The following FAM83B variants were observed in gnomAD, a reference collection of about 807,000 sequenced individuals.
The protein encoded by FAM83B is protein FAM83B.
In FAM83B, 26 loss-of-function variants were observed where a neutral mutation model predicts 38.8. That is an observed-to-expected ratio of 0.67 (90% CI 0.49 to 0.93). The LOEUF (loss-of-function observed/expected upper bound fraction) is 0.93. Among genes scored for constraint, FAM83B ranks in the 40% least tolerant of loss-of-function variants. The pLI is 0.00. For missense variants in FAM83B, 1,237 were observed against 1,197.3 expected (o/e 1.03, Z -0.49); for synonymous variants, 419 against 423.1 (o/e 0.99, Z 0.12).
At chr6:54,936,459 A>G (rs1047048213) in intron 4 of FAM83B, among the ~76,000 whole-genome samples, 1 of 152,068 alleles carries the variant, frequency 6.6e-6, no homozygotes, top group Non-Finnish European at 1.5e-5. Flanking sequence ...GTACTACAAT[A>G]GTACTACAAA....
chr6:54,889,025 C>A (rs1461718742), intron 2 of FAM83B, among the ~76,000 whole-genome samples: 1 of 152,060 alleles, frequency 6.6e-6, no homozygotes, highest in Non-Finnish European at 1.5e-5. Flanking sequence ...ATCCTCTCTG[C>A]AGTTGAGTCT....
rs1561934184 is a variant in FAM83B at position 54,941,733 on chromosome 6, G to T, written c.2762G>T (p.Ser921Ile). 3 of 1,613,996 alleles carry T rather than the reference G, an allele frequency of 1.9e-6. No homozygotes were observed. The highest frequency in any genetic ancestry group is 1.7e-5 in the Admixed American group (1 of 59,974). Reference sequence around the variant, plus strand: ...ACTTCTTCTCCAAGGCCAACGTCCAGTGAGCTTCTACGATCTCATTCAACT... The same window carrying T: ...ACTTCTTCTCCAAGGCCAACGTCCATTGAGCTTCTACGATCTCATTCAACT... ...RPTSSPRPTS[S>I]ELLRSHSTDR... is the part of the protein sequence containing the mutation. The change falls in exon 5 of 5, where the codon AGT becomes ATT. Residue 921 changes from serine to isoleucine, a missense_variant. Physicochemically the swap from Ser to Ile is moderately radical, Grantham distance 142 (BLOSUM62 -2). Coordinates refer to ENST00000306858, the MANE Select transcript of FAM83B (RefSeq NM_001010872.3).
intron 2 of FAM83B, among the ~76,000 whole-genome samples, chr6:54,895,408 A>G (rs1452284265): frequency 6.6e-6 from 1 of 152,134 alleles, no homozygotes; most frequent in Non-Finnish European, 1.5e-5. Flanking sequence ...TTTTCATAAG[A>G]TATGTAGTGT....
intron 2 of FAM83B, among the ~76,000 whole-genome samples, chr6:54,877,699 T>C (rs1772034292): frequency 6.6e-6 from 1 of 152,220 alleles, no homozygotes; most frequent in African/African-American, 2.4e-5. Flanking sequence ...TTATCTTAAG[T>C]TGACCTTCAT....
At chr6:54,868,204 A>C (rs1221771772) in intron 1 of FAM83B, among the ~76,000 whole-genome samples, 1 of 152,178 alleles carries the variant, frequency 6.6e-6, no homozygotes, top group Non-Finnish European at 1.5e-5. Context: ...AAGATTTGTC[A>C]ACCTTGGCAC....
intron 4 of FAM83B, among the ~76,000 whole-genome samples, chr6:54,931,676 A>C (rs1346903458): frequency 6.6e-6 from 1 of 151,246 alleles, no homozygotes; most frequent in Non-Finnish European, 1.5e-5. Context: ...TCTTACTTTT[A>C]GCTTATGTAT....
At chr6:54,929,702 C>T (rs1449112167) in intron 4 of FAM83B, among the ~76,000 whole-genome samples, 2 of 152,062 alleles carry the variant, frequency 1.3e-5, no homozygotes, top group African/African-American at 4.8e-5. Flanking sequence ...CATGCTGCAA[C>T]CAGCATACTG....
chr6:54,940,221 A>G lies in FAM83B; in HGVS notation c.1250A>G (p.Lys417Arg). The change falls in exon 5 of 5, where the codon AAA becomes AGA. Residue 417 changes from lysine (K) to arginine (R), a missense_variant. Physicochemically the swap from Lys to Arg is conservative, Grantham distance 26 (BLOSUM62 2). Coordinates refer to ENST00000306858, the MANE Select transcript of FAM83B (RefSeq NM_001010872.3). ...NRTNNPPGNWKKPSDSLSVAS... is the reference protein window; with the variant it reads ...NRTNNPPGNWRKPSDSLSVAS... ...ACCAATAATCCACCTGGTAATTGGA[A>G]AAAGCCATCTGATAGTCTCAGTGTG... 1.2e-6 allele frequency: 2 copies of G among 1,614,094 alleles called. No homozygotes were observed. The highest frequency in any genetic ancestry group is 1.7e-6 in the Non-Finnish European group (2 of 1,179,992).
intron 1 of FAM83B, among the ~76,000 whole-genome samples, chr6:54,859,301 C>T (rs1250629665): frequency 6.6e-6 from 1 of 152,146 alleles, no homozygotes; most frequent in East Asian, 1.9e-4. Flanking sequence ...ACCTCATGAT[C>T]TGCACACCTT....
intron 2 of FAM83B, among the ~76,000 whole-genome samples, chr6:54,881,812 G>A (rs976721074): frequency 4.6e-5 from 7 of 152,026 alleles, no homozygotes; most frequent in African/African-American, 1.5e-4. Flanking sequence ...TGTGCACAAC[G>A]TGCAGGTTTG....
In FAM83B at chr6:54,870,235, A is replaced by G; in HGVS notation, c.-12A>G. The G allele has an allele frequency of 6.2e-7, 1 of 1,603,164 alleles. No individual in the cohort carries two copies. On this transcript the variant is annotated 5_prime_UTR_variant, in exon 2 of 5. Transcript: ENST00000306858. The stretch of plus-strand genomic sequence containing the variant: ...GGACATTTGAAAGTGCCATAGCCAA[A>G]CACTTGCAAGCATGGAGACCTCATC...
intron 2 of FAM83B, among the ~76,000 whole-genome samples, chr6:54,883,929 G>A (rs1451272107): frequency 6.6e-6 from 1 of 151,962 alleles, no homozygotes; most frequent in Non-Finnish European, 1.5e-5. Context: ...CAGGACTTTG[G>A]GAGGCCGAGG....
At chr6:54,892,843 G>T (rs1328379420) in intron 2 of FAM83B, among the ~76,000 whole-genome samples, 1 of 151,962 alleles carries the variant, frequency 6.6e-6, no homozygotes. Context: ...AGTGCGGATG[G>T]GGCTTAGTAC....
chr6:54,888,784 G>C (rs568070150), intron 2 of FAM83B, among the ~76,000 whole-genome samples: 5 of 151,736 alleles, frequency 3.3e-5, no homozygotes, highest in Admixed American at 3.3e-4. Flanking sequence ...GTGCCTTAAA[G>C]TTTTCCTGCT....
At chr6:54,891,563 A>C (rs991480141) in intron 2 of FAM83B, among the ~76,000 whole-genome samples, 2 of 152,132 alleles carry the variant, frequency 1.3e-5, no homozygotes, top group African/African-American at 4.8e-5. Context: ...CTGTCTTCTG[A>C]ACATTAGCCT....
intron 1 of FAM83B, among the ~76,000 whole-genome samples, chr6:54,855,258 G>A (rs1771421916): frequency 6.6e-6 from 1 of 152,150 alleles, no homozygotes; most frequent in South Asian, 2.1e-4. Flanking sequence ...GTTGTTTTGA[G>A]TGTCAATCTC....
intron 1 of FAM83B, among the ~76,000 whole-genome samples, chr6:54,855,250 T>C (rs1233834409): frequency 1.3e-5 from 2 of 152,184 alleles, no homozygotes; most frequent in Non-Finnish European, 2.9e-5. Flanking sequence ...TTATTAAAGT[T>C]GTTTTGAGTG....
At position 54,870,575 on chromosome 6, in the gene FAM83B, A is replaced by G; in HGVS notation, c.329A>G (p.Tyr110Cys). Reference protein sequence around the residue: ...EAPNLDLGWPYVMPGLLGGTH... With the variant: ...EAPNLDLGWPCVMPGLLGGTH... ...CCAAATCTTGACTTAGGCTGGCCAT[A>G]TGTGATGCCCGGACTCTTAGGGGGC... The change falls in exon 2 of 5, where the codon TAT becomes TGT. Residue 110 changes from tyrosine (Y) to cysteine (C), a missense_variant. Transcript: ENST00000306858. 2 of 1,614,078 alleles carry G rather than the reference A, an allele frequency of 1.2e-6. No individual in the cohort carries two copies. The highest frequency in any genetic ancestry group is 8.5e-7 in the Non-Finnish European group (1 of 1,179,980).
intron 1 of FAM83B, among the ~76,000 whole-genome samples, chr6:54,861,913 G>A (rs1052825191): frequency 2.0e-5 from 3 of 152,108 alleles, no homozygotes; most frequent in Non-Finnish European, 2.9e-5. Context: ...CCTACAAGCC[G>A]GAGTGTTTCA....
Sources: allele counts gnomAD v4.1 joint callset (sites outside exome capture counted in the v4.1 genomes callset), GRCh38; gene constraint gnomAD v4.1.1; transcripts MANE v1.5; gene names NCBI Gene and HGNC (gene_info 2026-07-23, HGNC 2026-07-21).